The following CDKN3 variants were observed in gnomAD, a reference collection of about 807,000 sequenced individuals.
CDKN3 encodes the protein cyclin-dependent kinase inhibitor 3.
CDKN3 carries 19 observed loss-of-function variants against 36.1 expected under a neutral mutation model. The observed-to-expected ratio is 0.53, with a 90% CI of 0.37 to 0.77. CDKN3 has a LOEUF of 0.77. Among genes scored for constraint, CDKN3 ranks in the 30% least tolerant of loss-of-function variants. The pLI, the probability that CDKN3 is intolerant of heterozygous loss-of-function variation, is 0.00. For missense variants in CDKN3, 188 were observed against 248.6 expected (o/e 0.76, Z 1.64); for synonymous variants, 71 against 85.3 (o/e 0.83, Z 0.92).
At chr14:54,401,689 C>G (rs925417793) in intron 3 of CDKN3, 110 bp downstream of exon 3, 71 of 758,908 alleles carry the variant, frequency 9.4e-5, no homozygotes, top group African/African-American at 5.4e-5. Context: ...TAAATAAGTT[C>G]TTTAGTGGCA....
chr14:54,404,879 T>C (rs1323431818), intron 3 of CDKN3, among the ~76,000 whole-genome samples: 1 of 152,126 alleles, frequency 6.6e-6, no homozygotes, highest in Non-Finnish European at 1.5e-5. Flanking sequence ...CGCACCCGGC[T>C]TGATCTTAGT....
Position 54,418,332 on chromosome 14 carries a change from C to CA in CDKN3, c.552+389dup, listed in dbSNP as rs34303760. 4.7e-5 allele frequency: 32 copies of CA among 677,948 alleles called. 1 individual carries two copies. Among genetic ancestry groups the CA allele is most frequent in the African/African-American group, 1.3e-4 (7 of 55,368 alleles). 42.0% of individuals were successfully genotyped at this position (677,948 alleles called of 1,614,324 possible). A position where few individuals can be genotyped will look rare whatever the true frequency, so the allele number is the denominator to read the frequency against. Reference sequence around the variant, plus strand: ...GTACGTTCTTGGGTAGATTCTTGGCCAAAAAAAATCTATGGAAGATCTTGT... The same window carrying CA: ...GTACGTTCTTGGGTAGATTCTTGGCCAAAAAAAAATCTATGGAAGATCTTGT... On this transcript the variant is annotated intron_variant, in intron 7 of 7. Coordinates refer to ENST00000335183, the MANE Select transcript of CDKN3 (RefSeq NM_005192.4).
At chr14:54,416,092 T>C (rs994591173) in intron 6 of CDKN3, among the ~76,000 whole-genome samples, 162 bp downstream of exon 6, 1 of 152,174 alleles carries the variant, frequency 6.6e-6, no homozygotes, top group Non-Finnish European at 1.5e-5. Flanking sequence ...CCTGGAAAGC[T>C]TGGGTGGGAG....
intron 7 of CDKN3, among the ~76,000 whole-genome samples, chr14:54,419,363 C>T (rs1310567372): frequency 6.6e-6 from 1 of 152,164 alleles, no homozygotes; most frequent in Non-Finnish European, 1.5e-5. Context: ...CTGGTGTTAG[C>T]AATGCAGTTT....
chr14:54,407,838 T>C (rs4251619), intron 3 of CDKN3, among the ~76,000 whole-genome samples: 108,155 of 152,048 alleles, frequency 0.71, 38,491 homozygotes, highest in African/African-American at 0.74. Context: ...GCTTCAGCCC[T>C]CTTTCCAGGG....
chr14:54,411,788 T>C, intron 5 of CDKN3, 82 bp downstream of exon 5: 1 of 855,848 alleles, frequency 1.2e-6, no homozygotes, highest in Non-Finnish European at 2.0e-6. Flanking sequence ...TATTCAGTTA[T>C]CACCTACTTC....
chr14:54,417,099 G>A (rs537120931), intron 6 of CDKN3, among the ~76,000 whole-genome samples: 15 of 152,254 alleles, frequency 9.9e-5, no homozygotes, highest in African/African-American at 2.2e-4. Flanking sequence ...ATGGTGCAGC[G>A]GCTTTGGAAA....
At chr14:54,397,552 A>T (rs750408246) in intron 1 of CDKN3, among the ~76,000 whole-genome samples, 2 of 152,222 alleles carry the variant, frequency 1.3e-5, no homozygotes, top group Non-Finnish European at 2.9e-5. Flanking sequence ...ACCATGCCCC[A>T]GGGCCACCTG....
At chr14:54,401,271 C>T (rs2029927163) in intron 2 of CDKN3, among the ~76,000 whole-genome samples, 1 of 152,158 alleles carries the variant, frequency 6.6e-6, no homozygotes, top group South Asian at 2.1e-4. Context: ...AGCCACTGCA[C>T]CCAGCCTAAC....
At chr14:54,407,317 G>A (rs1168939719) in intron 3 of CDKN3, among the ~76,000 whole-genome samples, 6 of 152,216 alleles carry the variant, frequency 3.9e-5, no homozygotes, top group African/African-American at 2.4e-5. Context: ...TAGGAGGCGC[G>A]GGGTTCAGGG....
At chr14:54,413,094 T>C (rs1011259350) in intron 5 of CDKN3, among the ~76,000 whole-genome samples, 1 of 152,202 alleles carries the variant, frequency 6.6e-6, no homozygotes, top group African/African-American at 2.4e-5. Flanking sequence ...AACTGAACTC[T>C]GACATACAGA....
rs540384021 is a variant in CDKN3 at position 54,420,099 on chromosome 14, T to C, written c.*21T>C. 5 of 1,335,050 alleles carry C rather than the reference T, an allele frequency of 3.7e-6. No individual in the cohort carries two copies. In the East Asian group the frequency reaches 9.2e-5, roughly 25 times the overall value. The allele number at this position is 1,335,050 out of a possible 1,614,324, so 82.7% of individuals were successfully genotyped here. Reference sequence around the variant, plus strand: ...GATAAAGGAATTCAAATAGCATATATATGACCATGTCTGAAATGTCAGTTC... The same window carrying C: ...GATAAAGGAATTCAAATAGCATATACATGACCATGTCTGAAATGTCAGTTC... On this transcript the variant is annotated 3_prime_UTR_variant, in exon 8 of 8. Coordinates refer to ENST00000335183, the MANE Select transcript of CDKN3 (RefSeq NM_005192.4).
chr14:54,406,169 A>G (rs185764224), intron 3 of CDKN3, among the ~76,000 whole-genome samples: 279 of 152,192 alleles, frequency 1.8e-3, no homozygotes, highest in Middle Eastern at 3.4e-3. Flanking sequence ...ATTGGCCCCC[A>G]CTCTCTTCTG....
intron 1 of CDKN3, among the ~76,000 whole-genome samples, chr14:54,399,261 C>T (rs766227322): frequency 6.6e-6 from 1 of 152,078 alleles, no homozygotes; most frequent in African/African-American, 2.4e-5. Flanking sequence ...CTGAGATTTA[C>T]AGGCATAAGC....
chr14:54,419,779 G>C (rs930091949), intron 7 of CDKN3, among the ~76,000 whole-genome samples: 4 of 152,160 alleles, frequency 2.6e-5, no homozygotes, highest in African/African-American at 9.7e-5. Flanking sequence ...TTCACCTTCT[G>C]ATTTTTAGAG....
chr14:54,410,445 G>C lies in CDKN3; in HGVS notation c.194-1039G>C, dbSNP rs3783634. 1.9e-4 allele frequency among the ~76,000 whole-genome samples: 29 copies of C among 151,566 alleles called. No homozygotes were observed. The East Asian group carries it at 4.8e-3, about 25-fold the overall frequency. ...AGAGGGCTGGAGTTGGGAGCACTTA[G>C]ATCATCCAGTTATTTATTTTAAACC... On this transcript the variant is annotated intron_variant, in intron 4 of 7. Transcript: ENST00000335183.
intron 3 of CDKN3, among the ~76,000 whole-genome samples, chr14:54,404,805 T>A (rs1387487076): frequency 7.2e-6 from 1 of 138,674 alleles, no homozygotes; most frequent in Non-Finnish European, 1.5e-5. Context: ...CTCGATCTCC[T>A]GACCTCATGA....
At chr14:54,412,483 T>G (rs1391979787) in intron 5 of CDKN3, among the ~76,000 whole-genome samples, 1 of 152,200 alleles carries the variant, frequency 6.6e-6, no homozygotes, top group Non-Finnish European at 1.5e-5. Context: ...GAAAATTACA[T>G]TTGATGATAT....
At chr14:54,411,370 C>T (rs1237541363) in intron 4 of CDKN3, 114 bp from the exon 5 acceptor site, 1 of 726,322 alleles carries the variant, frequency 1.4e-6, no homozygotes, top group Non-Finnish European at 2.3e-6. Flanking sequence ...TATAGATTGT[C>T]ATTTGGTATT....
Sources: allele counts gnomAD v4.1 joint callset (sites outside exome capture counted in the v4.1 genomes callset), GRCh38; gene constraint gnomAD v4.1.1; transcripts MANE v1.5; gene names NCBI Gene and HGNC (gene_info 2026-07-23, HGNC 2026-07-21).